Variants in BDP1 observed in about 807,000 individuals in gnomAD.
BDP1 encodes transcription factor TFIIIB component B'' homolog.
Under a neutral mutation model 266.6 loss-of-function variants are expected in BDP1, and 169 were observed. The observed-to-expected ratio is 0.63, with a 90% CI of 0.56 to 0.72. BDP1 has a LOEUF of 0.72. Among genes scored for constraint, BDP1 ranks in the 30% least tolerant of loss-of-function variants. The pLI is 0.00. For synonymous variants in BDP1, 1,090 were observed against 1,022.4 expected, an observed-to-expected ratio of 1.07 and a Z score of -1.26; for missense variants, 3,015 against 3,053.8, an observed-to-expected ratio of 0.99 and a Z score of 0.30.
intron 16 of BDP1, among the ~76,000 whole-genome samples, chr5:71,505,100 A>G (rs1764506124): frequency 6.6e-6 from 1 of 152,062 alleles, no homozygotes; most frequent in Admixed American, 6.6e-5. Flanking sequence ...ACTGCTTCCC[A>G]GGTTCAAACA....
At chr5:71,497,174 T>TA in intron 12 of BDP1, 96 bp from the exon 13 acceptor site, 1 of 1,109,318 alleles carries the variant, frequency 9.0e-7, no homozygotes, top group Non-Finnish European at 1.3e-6. Flanking sequence ...AGTAAGCTCT[T>TA]AAAGGAGTTC....
rs1463440194 is a variant in BDP1, at chr5:71,495,334, A to G, written c.1725A>G (p.Arg575=). 1.2e-6 allele frequency: 2 copies of G among 1,608,686 alleles called. No homozygotes were observed. Among genetic ancestry groups the G allele is most frequent in the East Asian group, 4.5e-5 (2 of 44,734 alleles). The part of the protein sequence containing the change: ...SDLPSFEVGI[R]ALCEVNNAEG... Reference sequence around the variant, plus strand: ...TGCCTTCATTCGAAGTTGGAATTAGAGCATTGTGTGAGGTGAATAATGCTG... The same window carrying G: ...TGCCTTCATTCGAAGTTGGAATTAGGGCATTGTGTGAGGTGAATAATGCTG... Residue 575 remains arginine (R), a synonymous_variant, in exon 12 of 39, where the codon AGA becomes AGG. Transcript: ENST00000358731.
At chr5:71,507,789 A>C (rs1764663081) in intron 16 of BDP1, among the ~76,000 whole-genome samples, 1 of 152,178 alleles carries the variant, frequency 6.6e-6, no homozygotes, top group South Asian at 2.1e-4. Flanking sequence ...TGCTAAAGTT[A>C]ATGATGGATA....
intron 3 of BDP1, among the ~76,000 whole-genome samples, chr5:71,462,228 G>T (rs1761622640): frequency 6.6e-6 from 1 of 152,064 alleles, no homozygotes. Flanking sequence ...TTTCCAAAGT[G>T]CTGAGATTAC....
At chr5:71,508,184 C>CA (rs1186458400) in intron 16 of BDP1, among the ~76,000 whole-genome samples, 1 of 152,168 alleles carries the variant, frequency 6.6e-6, no homozygotes, top group East Asian at 1.9e-4. Flanking sequence ...AGGCTGGTCT[C>CA]AAACTCTTGA....
intron 6 of BDP1, among the ~76,000 whole-genome samples, chr5:71,469,905 G>A (rs889473413): frequency 2.3e-5 from 3 of 130,756 alleles, no homozygotes; most frequent in East Asian, 2.3e-4. Flanking sequence ...GCAATGGCAC[G>A]ATCTCGGCTC....
chr5:71,461,132 A>G (rs1388983156), intron 2 of BDP1, among the ~76,000 whole-genome samples: 1 of 152,116 alleles, frequency 6.6e-6, no homozygotes, highest in African/African-American at 2.4e-5. Flanking sequence ...GGCATATGCC[A>G]CCACATCCAG....
intron 33 of BDP1, 141 bp from the exon 34 acceptor site, chr5:71,549,279 G>C (rs192682317): frequency 1.4e-6 from 1 of 703,356 alleles, no homozygotes; most frequent in East Asian, 2.9e-5. Context: ...TCAGGCTGGG[G>C]GGTTGTTGGG....
chr5:71,562,821 A>G (rs1344631749), intron 38 of BDP1: 6 of 1,323,244 alleles, frequency 4.5e-6, no homozygotes, highest in South Asian at 3.7e-5. Flanking sequence ...GCTGACACCC[A>G]CAAGAATTTA....
chr5:71,535,674 G>T (rs1766552883), intron 26 of BDP1, among the ~76,000 whole-genome samples: 1 of 152,084 alleles, frequency 6.6e-6, no homozygotes, highest in Non-Finnish European at 1.5e-5. Flanking sequence ...CACCAATGTT[G>T]GTTCCTTCTG....
At chr5:71,498,154 G>A (rs13175174) in intron 13 of BDP1, among the ~76,000 whole-genome samples, 67,550 of 151,906 alleles carry the variant, frequency 0.44, 15,404 homozygotes, top group South Asian at 0.55. Context: ...GTTTCACCGC[G>A]TTAGCCAGGA....
rs1395817748 is a variant in BDP1 at position 71,532,291 on chromosome 5, A to C, written c.5773-17A>C. On this transcript the variant is annotated splice_polypyrimidine_tract_variant and intron_variant, in intron 25 of 38. Coordinates refer to ENST00000358731, the MANE Select transcript of BDP1 (RefSeq NM_018429.3). Reference sequence around the variant, plus strand: ...TATAATATGCCAAAATGAAATGATAAAACTTTATTTTGACAGCTTGAAATA... The same window carrying C: ...TATAATATGCCAAAATGAAATGATACAACTTTATTTTGACAGCTTGAAATA... 6.2e-7 allele frequency: 1 copy of C among 1,610,892 alleles called. No individual in the cohort carries two copies. Among genetic ancestry groups the C allele is most frequent in the Admixed American group, 1.7e-5 (1 of 59,748 alleles).
intron 36 of BDP1, among the ~76,000 whole-genome samples, chr5:71,557,273 A>G (rs901331845): frequency 2.0e-5 from 3 of 151,962 alleles, no homozygotes; most frequent in African/African-American, 7.3e-5. Context: ...CAGTGGCACA[A>G]TCACAGCTCA....
intron 17 of BDP1, chr5:71,511,374 T>C (rs1183035848): frequency 2.1e-6 from 1 of 485,396 alleles, no homozygotes; most frequent in East Asian, 3.4e-5. Flanking sequence ...ACCCAACACT[T>C]TGGGAGGCCA....
chr5:71,485,338 A>T (rs868098794), intron 8 of BDP1, among the ~76,000 whole-genome samples: 17 of 152,040 alleles, frequency 1.1e-4, no homozygotes, highest in South Asian at 4.1e-4. Context: ...TTTTTTTTTT[A>T]AATTAAAACC....
intron 13 of BDP1, among the ~76,000 whole-genome samples, chr5:71,499,444 C>T (rs765805435): frequency 6.6e-6 from 1 of 152,126 alleles, no homozygotes; most frequent in Non-Finnish European, 1.5e-5. Context: ...TGGCGAAATC[C>T]CATCTCTACT....
At chr5:71,573,183 G>A in the BDP1 span, among the ~76,000 whole-genome samples, 3 of 151,120 alleles carry the variant, frequency 2.0e-5, no homozygotes, top group Non-Finnish European at 4.4e-5. Context: ...AGTCAAGATC[G>A]TGCCACCGCA....
chr5:71,484,521 T>C (rs753988074), intron 8 of BDP1, among the ~76,000 whole-genome samples: 39 of 152,160 alleles, frequency 2.6e-4, no homozygotes, highest in Non-Finnish European at 1.0e-4. Flanking sequence ...AAGTTCTGTC[T>C]GAAGAGATAC....
chr5:71,542,816 A>G (rs1767055823), intron 30 of BDP1, among the ~76,000 whole-genome samples: 1 of 152,136 alleles, frequency 6.6e-6, no homozygotes, highest in South Asian at 2.1e-4. Context: ...CATATTTTGT[A>G]TTTTATTTGT....
Sources: gnomAD v4.1 joint callset for allele counts (sites outside exome capture counted in the v4.1 genomes callset) on GRCh38, gnomAD v4.1.1 for gene constraint, MANE v1.5 for transcripts, NCBI Gene and HGNC (gene_info 2026-07-23, HGNC 2026-07-21) for gene names.